Variants in YTHDF1 observed in about 807,000 individuals in gnomAD.
The protein encoded by YTHDF1 is YTH N6-methyladenosine RNA binding protein F1.
In YTHDF1, 16 loss-of-function variants were observed where a neutral mutation model predicts 49.1. That is an observed-to-expected ratio of 0.33 (90% CI 0.22 to 0.49). The LOEUF (loss-of-function observed/expected upper bound fraction) is 0.49, where lower values mean the gene tolerates loss of function less well. Ranked by LOEUF, YTHDF1 falls within the 20% of genes least tolerant of loss-of-function variation. The pLI is 0.99. For missense variants in YTHDF1, 621 were observed against 744.3 expected, an observed-to-expected ratio of 0.83 and a Z score of 1.93; for synonymous variants, 313 against 290.1, an observed-to-expected ratio of 1.08 and a Z score of -0.80.
At chr20:63,200,793 GCA>G (rs551344666) in intron 4 of YTHDF1, among the ~76,000 whole-genome samples, 4 of 152,028 alleles carry the variant, frequency 2.6e-5, no homozygotes, top group African/African-American at 9.7e-5. Context: ...AACTGTGCGC[GCA>G]CACACACACA....
At chr20:63,210,115 C>T (rs1026053161) in intron 3 of YTHDF1, among the ~76,000 whole-genome samples, 4 of 152,154 alleles carry the variant, frequency 2.6e-5, no homozygotes, top group African/African-American at 4.8e-5. Context: ...ACGAGTAATA[C>T]ACTGCCCTCA....
chr20:63,207,819 A>G (rs899285067), intron 3 of YTHDF1, among the ~76,000 whole-genome samples: 7 of 152,002 alleles, frequency 4.6e-5, no homozygotes, highest in African/African-American at 1.7e-4. Flanking sequence ...AGTCTGATCA[A>G]TATGGTTAAA....
intron 4 of YTHDF1, among the ~76,000 whole-genome samples, chr20:63,198,864 G>A (rs1280866417): frequency 1.3e-5 from 2 of 152,200 alleles, no homozygotes; most frequent in Non-Finnish European, 2.9e-5. Flanking sequence ...AGTGTGGGAC[G>A]CTCACCACTT....
At position 63,215,592 on chromosome 20, in the gene YTHDF1, C is replaced by A; in HGVS notation, c.37G>T (p.Gly13Ter). Residue 13 changes from glycine (G) to a stop codon, truncating the protein, a stop_gained, in exon 2 of 5, where the codon GGA becomes TGA. Transcript: ENST00000370339. LOFTEE classifies it high-confidence loss of function. Reference sequence around the variant, plus strand: ...CTCCGCTCACCTTTATTATCTTGTCCTTTTGTTCTCTGCACCGCCGCAGGC... The same window carrying A: ...CTCCGCTCACCTTTATTATCTTGTCATTTTGTTCTCTGCACCGCCGCAGGC... The part of the protein sequence containing the change: ...ATSVDTQRTK[G>*]QDNKVQNGSL... The A allele has an allele frequency of 6.2e-7, 1 of 1,612,182 alleles. No individual in the cohort carries two copies.
chr20:63,199,878 G>C (rs1312257314), intron 4 of YTHDF1, among the ~76,000 whole-genome samples: 1 of 152,148 alleles, frequency 6.6e-6, no homozygotes, highest in Non-Finnish European at 1.5e-5. Context: ...GGGCAACATA[G>C]CAAGACACTG....
chr20:63,211,108 C>T (rs1224728582), intron 3 of YTHDF1, among the ~76,000 whole-genome samples: 3 of 94,854 alleles, frequency 3.2e-5, no homozygotes, highest in Non-Finnish European at 6.9e-5. Flanking sequence ...GACAGTTTCA[C>T]ACAAAACACG....
intron 3 of YTHDF1, among the ~76,000 whole-genome samples, chr20:63,207,591 C>G (rs1288706377): frequency 6.6e-6 from 1 of 151,798 alleles, no homozygotes; most frequent in Non-Finnish European, 1.5e-5. Context: ...AAGGACAATA[C>G]AAGCAAAACC....
chr20:63,203,449 T>A lies in YTHDF1; in HGVS notation c.491A>T (p.Asp164Val). 6.2e-7 allele frequency: 1 copy of A among 1,612,756 alleles called. No individual in the cohort carries two copies. Among genetic ancestry groups the A allele is most frequent in the Non-Finnish European group, 8.5e-7 (1 of 1,179,538 alleles). The change falls in exon 4 of 5, where the codon GAT (aspartate) becomes GTT (valine). Residue 164 changes from aspartate (D) to valine (V), a missense_variant. This residue lies in a region of YTHDF1 where 470 missense variants were observed against 495.8 expected (regional missense o/e 0.95). Transcript: ENST00000370339. The surrounding 1 kb of genome is among the most constrained non-coding windows in gnomAD (Gnocchi z 4.4). Reference sequence around the variant, plus strand: ...GTCGCTGTGAAAGCCTGGCTGCCCATCAACCACCGTGCCACCCAGGGAGCT... The same window carrying A: ...GTCGCTGTGAAAGCCTGGCTGCCCAACAACCACCGTGCCACCCAGGGAGCT... ...PPSSLGGTVV[D>V]GQPGFHSDTL...
Position 63,215,919 on chromosome 20 carries a change from C to A in YTHDF1, c.-27G>T. ...CTTCATGAACAACTAGACGCGGGGC[C>A]GGGGCGCCCGCCGGCTCGGGCCTCC... On this transcript the variant is annotated 5_prime_UTR_variant, in exon 1 of 5. Coordinates refer to ENST00000370339, the MANE Select transcript of YTHDF1 (RefSeq NM_017798.4). 7.3e-7 allele frequency: 1 copy of A among 1,372,118 alleles called. No homozygotes were observed. 85.0% of individuals were successfully genotyped at this position (1,372,118 alleles called of 1,614,324 possible).
At chr20:63,200,314 T>C (rs770549400) in intron 4 of YTHDF1, among the ~76,000 whole-genome samples, 5 of 151,988 alleles carry the variant, frequency 3.3e-5, no homozygotes, top group Admixed American at 6.6e-5. Context: ...TGAGCCAAAA[T>C]TGCACTACTG....
intron 3 of YTHDF1, among the ~76,000 whole-genome samples, chr20:63,209,605 A>G (rs2066564384): frequency 6.6e-6 from 1 of 152,200 alleles, no homozygotes; most frequent in African/African-American, 2.4e-5. Flanking sequence ...CCCCATCTCT[A>G]CAAAAAATCA....
rs751397133 is a variant in YTHDF1 at position 63,202,297 on chromosome 20, A to ACCT, written c.1640_1642dup (p.Glu547dup). The ACCT allele has an allele frequency of 5.6e-6, 9 of 1,612,332 alleles. No homozygotes were observed. The highest frequency in any genetic ancestry group is 6.8e-6 in the Non-Finnish European group (8 of 1,178,800). On this transcript the variant is annotated inframe_insertion, in exon 4 of 5. Coordinates refer to ENST00000370339, the MANE Select transcript of YTHDF1 (RefSeq NM_017798.4). Reference sequence around the variant, plus strand: ...AACACCCAGCCTCACCTTGCGCACCACCTCCTCCTCCTCCTGGCGCTTCTC... The same window carrying ACCT: ...AACACCCAGCCTCACCTTGCGCACCACCTCCTCCTCCTCCTCCTGGCGCTTCTC...
chr20:63,207,973 A>G (rs1213646990), intron 3 of YTHDF1, among the ~76,000 whole-genome samples: 1 of 151,828 alleles, frequency 6.6e-6, no homozygotes, highest in Non-Finnish European at 1.5e-5. Flanking sequence ...CCTGGGTGAC[A>G]GAGTGAGACT....
At chr20:63,199,348 T>C (rs2066507260) in intron 4 of YTHDF1, among the ~76,000 whole-genome samples, 1 of 151,896 alleles carries the variant, frequency 6.6e-6, no homozygotes, top group African/African-American at 2.4e-5. Context: ...TGAAACCCCA[T>C]CTCTACTAAA....
chr20:63,215,349 G>A (rs985744589), intron 2 of YTHDF1, among the ~76,000 whole-genome samples: 1 of 152,182 alleles, frequency 6.6e-6, no homozygotes, highest in Non-Finnish European at 1.5e-5. Flanking sequence ...ATCATGCGGT[G>A]GGGAGAGACG....
intron 3 of YTHDF1, among the ~76,000 whole-genome samples, chr20:63,204,030 C>A (rs1218501283): frequency 2.0e-5 from 3 of 152,194 alleles, no homozygotes; most frequent in African/African-American, 7.2e-5. Context: ...TACGAAGCAT[C>A]ATTGGCAAGG....
rs954964228 is a variant in YTHDF1 at position 63,202,472 on chromosome 20, G to A, written c.1468C>T (p.Arg490Trp). 3.7e-6 allele frequency: 6 copies of A among 1,614,142 alleles called. No individual in the cohort carries two copies. The highest frequency in any genetic ancestry group is 1.3e-5 in the African/African-American group (1 of 74,936). ...TCGTTATTCTCCAGCCTGATGTGCC[G>A]GAGCTGGTTATTGGGTACATCCTTA... Reference protein sequence around the residue: ...FVKDVPNNQLRHIRLENNDNK... With the variant: ...FVKDVPNNQLWHIRLENNDNK... Residue 490 changes from arginine to tryptophan, a missense_variant, in exon 4 of 5, where the codon CGG (arginine) becomes TGG (tryptophan). Physicochemically the swap from Arg to Trp is moderately radical, Grantham distance 101. Transcript: ENST00000370339.
Position 63,203,816 on chromosome 20 carries a change from G to C in YTHDF1, c.133-9C>G. ...GAGGGGTAACTGTTACTCTGCAAAA[G>C]CAAACGTGACAAGTTACACCACTTC... On this transcript the variant is annotated splice_polypyrimidine_tract_variant and intron_variant, in intron 3 of 4. Transcript: ENST00000370339. This position sits in a 1 kb window ranked among gnomAD's most constrained non-coding sequence, Gnocchi z 4.4. 1 of 1,586,388 alleles carries C rather than the reference G, an allele frequency of 6.3e-7. No homozygotes were observed. The highest frequency in any genetic ancestry group is 8.6e-7 in the Non-Finnish European group (1 of 1,160,310).
At chr20:63,210,560 G>C (rs1387273745) in intron 3 of YTHDF1, among the ~76,000 whole-genome samples, 1 of 151,990 alleles carries the variant, frequency 6.6e-6, no homozygotes, top group South Asian at 2.1e-4. Context: ...GAGGCAGGGG[G>C]ATCACCAGAG....
Sources: gnomAD v4.1 joint callset for allele counts (sites outside exome capture counted in the v4.1 genomes callset) on GRCh38, gnomAD v4.1.1 for gene constraint, gnomAD v4.1.1 regional missense constraint, Gnocchi (gnomAD v3.1) non-coding constraint, MANE v1.5 for transcripts, NCBI Gene and HGNC (gene_info 2026-07-23, HGNC 2026-07-21) for gene names.